LRP1B: variants seen among roughly 807,000 people sequenced by gnomAD.
LRP1B encodes the protein LDL receptor related protein 1B.
In LRP1B, 217 loss-of-function variants were observed where a neutral mutation model predicts 556.6. That is an observed-to-expected ratio of 0.39 (90% CI 0.35 to 0.44). The LOEUF (loss-of-function observed/expected upper bound fraction) is 0.44, where lower values mean the gene tolerates loss of function less well. Among genes scored for constraint, LRP1B ranks in the 20% least tolerant of loss-of-function variants. The pLI is 1.00. For missense variants in LRP1B, 5,053 were observed against 5,620.8 expected (o/e 0.90, Z 3.23); for synonymous variants, 2,047 against 1,865.8 (o/e 1.10, Z -2.50).
chr2:140,667,711 T>C (rs1203843061), intron 41 of LRP1B, among the ~76,000 whole-genome samples: 1 of 152,204 alleles, frequency 6.6e-6, no homozygotes, highest in Non-Finnish European at 1.5e-5. Context: ...AGCTCTAATC[T>C]TTTCTCTTTG....
At chr2:140,933,478 A>G (rs184260080) in intron 20 of LRP1B, among the ~76,000 whole-genome samples, 305 of 152,212 alleles carry the variant, frequency 2.0e-3, no homozygotes, top group Non-Finnish European at 3.4e-3. Flanking sequence ...ATTAATCATA[A>G]CTTGAGAATA....
At position 141,678,827 on chromosome 2, in the gene LRP1B, A is replaced by T. The variant is rs150001473; in HGVS notation, c.205+131452T>A. Among the ~76,000 whole-genome samples the T allele has an allele frequency of 3.3e-3, 504 of 152,296 alleles. 1 individual carries two copies. Among genetic ancestry groups the T allele is most frequent in the Middle Eastern group, 6.8e-3 (2 of 294 alleles). On this transcript the variant is annotated intron_variant, in intron 2 of 90. Coordinates refer to ENST00000389484, the MANE Select transcript of LRP1B (RefSeq NM_018557.3). ...CAGTGATACAATGAAATACATTGGT[A>T]GGCAGCTTCTAAGATGGCTTTAGAT...
chr2:140,761,770 T>C (rs73961478), intron 35 of LRP1B, among the ~76,000 whole-genome samples: 4,659 of 152,202 alleles, frequency 0.031, 234 homozygotes, highest in African/African-American at 0.1. Context: ...AACACTTTGA[T>C]TGCAGTCTCA....
At chr2:141,783,915 G>A (rs540482136) in intron 2 of LRP1B, among the ~76,000 whole-genome samples, 1 of 151,810 alleles carries the variant, frequency 6.6e-6, no homozygotes, top group South Asian at 2.1e-4. Context: ...TATTAGACAA[G>A]TATTTACTCT....
intron 1 of LRP1B, among the ~76,000 whole-genome samples, chr2:141,835,650 G>C (rs1697253428): frequency 6.6e-6 from 1 of 151,920 alleles, no homozygotes; most frequent in South Asian, 2.1e-4. Flanking sequence ...CAGTTCTATA[G>C]CTAAGCATTT....
chr2:141,268,522 C>G (rs1180919895), intron 3 of LRP1B, among the ~76,000 whole-genome samples: 1 of 151,972 alleles, frequency 6.6e-6, no homozygotes, highest in Non-Finnish European at 1.5e-5. Context: ...GAATGTCACT[C>G]AATGAAATCG....
intron 41 of LRP1B, among the ~76,000 whole-genome samples, chr2:140,657,521 G>T (rs1684922235): frequency 6.7e-6 from 1 of 149,792 alleles, no homozygotes; most frequent in Admixed American, 6.7e-5. Context: ...AAGAGGGCTG[G>T]CTGGATGGAT....
chr2:140,993,968 T>A (rs769457668), intron 16 of LRP1B, 27 bp downstream of exon 16: 2 of 1,607,702 alleles, frequency 1.2e-6, no homozygotes, highest in Non-Finnish European at 1.7e-6. Context: ...AAAATACAAT[T>A]TTTAGGTGAC....
chr2:141,295,790 C>CACACACACACACACACACACACACACAT (rs963472660), intron 3 of LRP1B, among the ~76,000 whole-genome samples: 1 of 141,198 alleles, frequency 7.1e-6, no homozygotes, highest in East Asian at 2.0e-4. Context: ...CACACACACA[C>CACACACACACACACACACACACACACAT]ATAACAGTGG....
In LRP1B at chr2:140,601,682, A is replaced by G. The variant is rs188891098; in HGVS notation, c.6800-43T>C. ...AGAAAAAATATATACTTTTATTTACAAAAAAATGACTTCTGGACAGAAAAA... is the reference window on the plus strand; with the variant it reads ...AGAAAAAATATATACTTTTATTTACGAAAAAATGACTTCTGGACAGAAAAA... On this transcript the variant is annotated intron_variant, in intron 41 of 90. Coordinates refer to ENST00000389484, the MANE Select transcript of LRP1B (RefSeq NM_018557.3). 1.3e-4 allele frequency: 184 copies of G among 1,397,528 alleles called. 1 individual carries two copies. In the African/African-American group the frequency reaches 2.2e-3, roughly 17 times the overall value. The allele number at this position is 1,397,528 out of a possible 1,614,324, so 86.6% of individuals were successfully genotyped here. A position where few individuals can be genotyped will look rare whatever the true frequency, so the allele number is the denominator to read the frequency against.
chr2:141,467,083 C>A (rs184656208), intron 3 of LRP1B, among the ~76,000 whole-genome samples: 6 of 107,848 alleles, frequency 5.6e-5, no homozygotes, highest in African/African-American at 1.6e-4. Context: ...TATATACACA[C>A]ACACACACAT....
At chr2:141,308,593 A>G (rs1686689356) in intron 3 of LRP1B, among the ~76,000 whole-genome samples, 1 of 152,220 alleles carries the variant, frequency 6.6e-6, no homozygotes, top group Non-Finnish European at 1.5e-5. Context: ...ACTGCCTATT[A>G]TAAAAATCAA....
rs147871501 is a variant in LRP1B, at chr2:141,635,327, G to A, written c.206-154794C>T. On this transcript the variant is annotated intron_variant, in intron 2 of 90. Coordinates refer to ENST00000389484, the MANE Select transcript of LRP1B (RefSeq NM_018557.3). ...TCCTTAACTAGAGATGGAACACAACGGGTGTTACCTAAGAGTGTGGCAAGT... is the reference window on the plus strand; with the variant it reads ...TCCTTAACTAGAGATGGAACACAACAGGTGTTACCTAAGAGTGTGGCAAGT... 2.9e-3 allele frequency among the ~76,000 whole-genome samples: 440 copies of A among 152,040 alleles called. 2 individuals carry two copies. Among genetic ancestry groups the A allele is most frequent in the African/African-American group, 9.5e-3 (396 of 41,494 alleles).
intron 20 of LRP1B, among the ~76,000 whole-genome samples, chr2:140,925,020 A>C (rs1356564940): frequency 6.6e-6 from 1 of 152,146 alleles, no homozygotes; most frequent in Non-Finnish European, 1.5e-5. Context: ...AAGAAAAATC[A>C]GTCAACAATA....
intron 2 of LRP1B, among the ~76,000 whole-genome samples, chr2:141,618,846 A>T (rs1688403825): frequency 1.3e-5 from 2 of 152,252 alleles, no homozygotes; most frequent in Admixed American, 6.5e-5. Context: ...AAGGGAGTCC[A>T]TCTGGAGGCT....
chr2:141,356,882 C>T (rs1349669199), intron 3 of LRP1B, among the ~76,000 whole-genome samples: 1 of 152,036 alleles, frequency 6.6e-6, no homozygotes, highest in Admixed American at 6.6e-5. Flanking sequence ...TTCTTATTAT[C>T]GCAACCTATC....
chr2:142,015,991 C>CAAAAAAA (rs70994471), intron 1 of LRP1B, among the ~76,000 whole-genome samples: 1,991 of 38,724 alleles, frequency 0.051, 551 homozygotes, highest in Middle Eastern at 0.077. Flanking sequence ...GACTCCATCT[C>CAAAAAAA]AAAAAAAAAA....
intron 2 of LRP1B, among the ~76,000 whole-genome samples, chr2:141,664,010 C>T (rs1027975871): frequency 6.6e-6 from 1 of 151,428 alleles, no homozygotes; most frequent in Non-Finnish European, 1.5e-5. Flanking sequence ...TACTGGCAAA[C>T]CAAATCCAGC....
intron 66 of LRP1B, among the ~76,000 whole-genome samples, chr2:140,404,667 T>C (rs2105235066): frequency 6.6e-6 from 1 of 152,252 alleles, no homozygotes; most frequent in South Asian, 2.1e-4. Context: ...ACTAAACAAG[T>C]ATCTGTTGTC....
Sources: allele counts gnomAD v4.1 joint callset (sites outside exome capture counted in the v4.1 genomes callset), GRCh38; gene constraint gnomAD v4.1.1; transcripts MANE v1.5; gene names NCBI Gene and HGNC (gene_info 2026-07-23, HGNC 2026-07-21).